HPCAL1: variants seen among roughly 807,000 people sequenced by gnomAD.
The protein encoded by HPCAL1 is hippocalcin-like protein 1.
In HPCAL1, 8 loss-of-function variants were observed where a neutral mutation model predicts 17.1. The observed-to-expected ratio is 0.47, with a 90% CI of 0.27 to 0.84. The LOEUF (loss-of-function observed/expected upper bound fraction) is 0.84, where lower values mean the gene tolerates loss of function less well. HPCAL1 is among the 40% of genes least tolerant of loss of function. HPCAL1 has a pLI of 0.13. For missense variants in HPCAL1, 165 were observed against 271.1 expected, an observed-to-expected ratio of 0.61 and a Z score of 2.75; for synonymous variants, 112 against 111.4, an observed-to-expected ratio of 1.01 and a Z score of -0.03.
Position 10,367,249 on chromosome 2 carries a change from C to T in HPCAL1, c.-110-29586C>T, listed in dbSNP as rs534534022. 4.6e-5 allele frequency among the ~76,000 whole-genome samples: 7 copies of T among 151,786 alleles called. No individual in the cohort carries two copies. Among genetic ancestry groups the T allele is most frequent in the Non-Finnish European group, 7.4e-5 (5 of 67,990 alleles). On this transcript the variant is annotated intron_variant, in intron 1 of 4. Coordinates refer to ENST00000307845, the MANE Select transcript of HPCAL1 (RefSeq NM_002149.4). This position sits in a 1 kb window ranked among gnomAD's most constrained non-coding sequence, Gnocchi z 4.4. ...AGATATTTAATATACAGATGACGGG[C>T]GGATGGTAGTGTTGTTTTAAGGGGG... is the stretch of plus-strand genomic sequence containing the variant.
Position 10,331,513 on chromosome 2 carries a change from T to C in HPCAL1, c.-111+28336T>C, listed in dbSNP as rs909974069. Among the ~76,000 whole-genome samples, 3 of 152,130 alleles carry C rather than the reference T, an allele frequency of 2.0e-5. No individual in the cohort carries two copies. The highest frequency in any genetic ancestry group is 7.2e-5 in the African/African-American group (3 of 41,416). On this transcript the variant is annotated intron_variant, in intron 1 of 4. Transcript: ENST00000307845. The surrounding 1 kb of genome is among the most constrained non-coding windows in gnomAD (Gnocchi z 5.0). ...GGTGGAACGGATGCAGCAGCGAGGT[T>C]TTCCGGGGCAGGAACACCCTCCCAG... is the stretch of plus-strand genomic sequence containing the variant.
intron 3 of HPCAL1, 132 bp from the exon 4 acceptor site, chr2:10,422,851 G>T: frequency 6.4e-6 from 4 of 627,794 alleles, no homozygotes; most frequent in Non-Finnish European, 1.2e-5. Context: ...CCCCACTGGG[G>T]AAGGGTCCCG....
In HPCAL1 at chr2:10,385,611, C is replaced by T. The variant is rs547148805; in HGVS notation, c.-110-11224C>T. 5.3e-5 allele frequency among the ~76,000 whole-genome samples: 8 copies of T among 152,218 alleles called. No individual in the cohort carries two copies. The South Asian group carries it at 1.2e-3, about 24-fold the overall frequency. ...GATCACGGCAAGCTGTCTGCATGGA[C>T]GATGGCAGAATCCGGTGTCTGCTTG... On this transcript the variant is annotated intron_variant, in intron 1 of 4. Coordinates refer to ENST00000307845, the MANE Select transcript of HPCAL1 (RefSeq NM_002149.4).
intron 2 of HPCAL1, among the ~76,000 whole-genome samples, chr2:10,406,569 T>C (rs1669982243): frequency 6.6e-6 from 1 of 152,260 alleles, no homozygotes; most frequent in East Asian, 1.9e-4. Context: ...GGTCTGTCAC[T>C]GAAAACCCCA....
intron 1 of HPCAL1, among the ~76,000 whole-genome samples, chr2:10,355,628 G>A (rs1355365450): frequency 2.0e-5 from 3 of 152,128 alleles, no homozygotes; most frequent in Non-Finnish European, 4.4e-5. Context: ...TACTTTGCTG[G>A]CTTATACAGG....
rs542240646 is a variant in HPCAL1, at chr2:10,323,852, C to T, written c.-111+20675C>T. ...TGCGTCTTGTCGGAACTTCCATATA[C>T]ACTTCCACTGGCTACTTCATGGAAA... On this transcript the variant is annotated intron_variant, in intron 1 of 4. Coordinates refer to ENST00000307845, the MANE Select transcript of HPCAL1 (RefSeq NM_002149.4). The surrounding 1 kb of genome is among the most constrained non-coding windows in gnomAD (Gnocchi z 4.6). Among the ~76,000 whole-genome samples the T allele has an allele frequency of 1.3e-5, 2 of 152,222 alleles. No homozygotes were observed. Among genetic ancestry groups the T allele is most frequent in the Non-Finnish European group, 2.9e-5 (2 of 68,038 alleles).
rs996956462 is a variant in HPCAL1, at chr2:10,323,181, G to A, written c.-111+20004G>A. On this transcript the variant is annotated intron_variant, in intron 1 of 4. Transcript: ENST00000307845. The surrounding 1 kb of genome is among the most constrained non-coding windows in gnomAD (Gnocchi z 4.6). ...ACCTGGCTCCCCCGGTTCCCCAGAC[G>A]CGTTCCCCACGGAGTCCCAGCGTGT... 3.9e-5 allele frequency among the ~76,000 whole-genome samples: 6 copies of A among 152,132 alleles called. 1 individual carries two copies. The highest frequency in any genetic ancestry group is 1.9e-4 in the East Asian group (1 of 5,178).
Position 10,359,334 on chromosome 2 carries a change from G to A in HPCAL1, c.-110-37501G>A, listed in dbSNP as rs1359770946. Reference sequence around the variant, plus strand: ...GACCCTGCGGCTGGCATGGGTTAGTGGCTCCGTGTCACCTGGTTCCTCTCA... The same window carrying A: ...GACCCTGCGGCTGGCATGGGTTAGTAGCTCCGTGTCACCTGGTTCCTCTCA... On this transcript the variant is annotated intron_variant, in intron 1 of 4. Coordinates refer to ENST00000307845, the MANE Select transcript of HPCAL1 (RefSeq NM_002149.4). The surrounding 1 kb of genome is among the most constrained non-coding windows in gnomAD (Gnocchi z 4.1). 3.9e-5 allele frequency among the ~76,000 whole-genome samples: 6 copies of A among 152,174 alleles called. No homozygotes were observed.
At chr2:10,391,602 C>T (rs972554624) in intron 1 of HPCAL1, among the ~76,000 whole-genome samples, 2 of 152,322 alleles carry the variant, frequency 1.3e-5, no homozygotes, top group Non-Finnish European at 1.5e-5. Context: ...GTACCCTTTA[C>T]CTGCTAGCCC....
At chr2:10,312,584 C>T (rs943908959) in intron 1 of HPCAL1, among the ~76,000 whole-genome samples, 15 of 151,488 alleles carry the variant, frequency 9.9e-5, no homozygotes, top group African/African-American at 3.6e-4. Flanking sequence ...TCATCATCAC[C>T]ATCACTGTCA....
At chr2:10,417,055 C>G (rs1351080909) in intron 2 of HPCAL1, among the ~76,000 whole-genome samples, 1 of 152,118 alleles carries the variant, frequency 6.6e-6, no homozygotes, top group African/African-American at 2.4e-5. Context: ...GAGAAGAATC[C>G]TCTCTCTTAA....
intron 1 of HPCAL1, among the ~76,000 whole-genome samples, chr2:10,360,246 A>G (rs1347282553): frequency 6.6e-6 from 1 of 152,232 alleles, no homozygotes; most frequent in Non-Finnish European, 1.5e-5. Context: ...GAGAAAGAGA[A>G]GTTCCCTAGA....
intron 1 of HPCAL1, among the ~76,000 whole-genome samples, chr2:10,368,200 C>T (rs963037746): frequency 3.4e-5 from 5 of 145,782 alleles, no homozygotes; most frequent in East Asian, 2.0e-4. Flanking sequence ...TGTGTGCATA[C>T]GTGTGTGTAG....
chr2:10,313,911 T>G (rs1451686428), intron 1 of HPCAL1, among the ~76,000 whole-genome samples: 36 of 152,018 alleles, frequency 2.4e-4, no homozygotes, highest in Non-Finnish European at 8.8e-5. Flanking sequence ...GGCGGGCAAA[T>G]TACGAAGTCA....
intron 1 of HPCAL1, among the ~76,000 whole-genome samples, chr2:10,364,047 A>G (rs1666685457): frequency 6.6e-6 from 1 of 152,108 alleles, no homozygotes; most frequent in South Asian, 2.1e-4. Flanking sequence ...GGAGGGGTGG[A>G]CCTTGGGAGT....
At chr2:10,415,695 C>CAAGATGGCAACAGGGTG (rs2148015127) in intron 2 of HPCAL1, among the ~76,000 whole-genome samples, 1 of 152,288 alleles carries the variant, frequency 6.6e-6, no homozygotes, top group African/African-American at 2.4e-5. Context: ...TCACGACCAC[C>CAAGATGGCAACAGGGTG]CTGCCATCCC....
chr2:10,396,027 G>A (rs951718021), intron 1 of HPCAL1, among the ~76,000 whole-genome samples: 4 of 152,220 alleles, frequency 2.6e-5, no homozygotes, highest in African/African-American at 2.4e-5. Context: ...GGCCCGTCCC[G>A]AGTTCACGCC....
intron 2 of HPCAL1, among the ~76,000 whole-genome samples, chr2:10,406,756 C>T (rs1228313131): frequency 1.3e-5 from 2 of 152,274 alleles, no homozygotes; most frequent in East Asian, 3.8e-4. Context: ...AAACACGGAA[C>T]TGTCACAGGG....
intron 4 of HPCAL1, chr2:10,424,423 A>G (rs1193974125): frequency 1.1e-5 from 5 of 457,274 alleles, no homozygotes; most frequent in African/African-American, 8.0e-5. Context: ...GGGATGGTGA[A>G]TCCGGTCCCA....
Sources: allele counts gnomAD v4.1 joint callset (sites outside exome capture counted in the v4.1 genomes callset), GRCh38; gene constraint gnomAD v4.1.1; non-coding constraint Gnocchi (gnomAD v3.1); transcripts MANE v1.5; gene names NCBI Gene and HGNC (gene_info 2026-07-23, HGNC 2026-07-21).